RGSL1: variants seen among roughly 807,000 people sequenced by gnomAD.
RGSL1 encodes regulator of G protein signaling like 1.
A neutral mutation model predicts 124.7 loss-of-function variants in RGSL1; 97 were observed. The ratio of observed to expected loss-of-function variants is 0.78; its 90% confidence interval spans 0.66 to 0.92. RGSL1 has a LOEUF of 0.92. Ranked by LOEUF, RGSL1 falls within the 40% of genes least tolerant of loss-of-function variation. RGSL1 has a pLI of 0.00. For missense variants in RGSL1, 1,233 were observed against 1,288.4 expected (o/e 0.96, Z 0.66); for synonymous variants, 424 against 438.1 (o/e 0.97, Z 0.40).
chr1:182,452,042 A>T (rs1651885427), intron 1 of RGSL1, among the ~76,000 whole-genome samples: 1 of 152,076 alleles, frequency 6.6e-6, no homozygotes, highest in Non-Finnish European at 1.5e-5. Flanking sequence ...AGAGACAGGG[A>T]CAGAGACAGA....
Position 182,532,705 on chromosome 1 carries a change from G to C in RGSL1, c.2408G>C (p.Cys803Ser), listed in dbSNP as rs1278293494. ...MRMISFIRSF[C>S]KYRRFMLNPS... ...ATGATCAGCTTTATCAGGAGTTTTT[G>C]CAAGTACCGCAGATTTATGTTGAAT... The change falls in exon 14 of 22, where the codon TGC becomes TCC. Residue 803 changes from cysteine (C) to serine (S), a missense_variant. By Grantham distance (112) the Cys-to-Ser change is moderately radical. Transcript: ENST00000294854. 9.0e-6 allele frequency: 14 copies of C among 1,550,928 alleles called. No individual in the cohort carries two copies. Among genetic ancestry groups the C allele is most frequent in the Non-Finnish European group, 8.7e-7 (1 of 1,146,514 alleles).
intron 1 of RGSL1, among the ~76,000 whole-genome samples, chr1:182,453,715 C>A (rs1397973593): frequency 6.6e-6 from 1 of 152,202 alleles, no homozygotes. Context: ...ACTTCGCCTT[C>A]TTCATAAACG....
At chr1:182,465,319 T>C (rs1653206064) in intron 4 of RGSL1, among the ~76,000 whole-genome samples, 1 of 152,084 alleles carries the variant, frequency 6.6e-6, no homozygotes, top group South Asian at 2.1e-4. Context: ...TGTAGGGACA[T>C]GGATGAAGCT....
chr1:182,556,206 G>A lies in RGSL1; in HGVS notation c.*149G>A. On this transcript the variant is annotated 3_prime_UTR_variant, in exon 21 of 22. Transcript: ENST00000294854. ...ATGGGTTGACAGCCCAGATATGGCA[G>A]GACCAGACTGCAATGGGTAAGACTT... 4.2e-6 allele frequency: 3 copies of A among 710,650 alleles called. No individual in the cohort carries two copies. Among genetic ancestry groups the A allele is most frequent in the Non-Finnish European group, 7.1e-6 (3 of 422,544 alleles). The allele number at this position is 710,650 out of a possible 1,614,324, so 44.0% of individuals were successfully genotyped here. A position where few individuals can be genotyped will look rare whatever the true frequency, so the allele number is the denominator to read the frequency against.
rs200119323 is a variant in RGSL1, at chr1:182,530,251, G to A, written c.2133G>A (p.Met711Ile). ...CTCTCTTGCATTTTCTAGAAGAAAT[G>A]CTGCAGTGTGATGCCCCTATTATCA... ...FFQGQLSPEEMLQCDAPIIKE... is the reference protein window; with the variant it reads ...FFQGQLSPEEILQCDAPIIKE... The change falls in exon 12 of 22, where the codon ATG (methionine) becomes ATA (isoleucine). Residue 711 changes from methionine to isoleucine, a missense_variant. By Grantham distance (10) the Met-to-Ile change is conservative (BLOSUM62 1). Coordinates refer to ENST00000294854, the MANE Select transcript of RGSL1 (RefSeq NM_001137669.2). The A allele has an allele frequency of 5.2e-4, 801 of 1,549,570 alleles. 4 individuals are homozygous for A. The highest frequency in any genetic ancestry group is 1.3e-3 in the Middle Eastern group (8 of 6,004).
rs1254742440 is a variant in RGSL1, at chr1:182,474,245, C to T, written c.1134C>T (p.Ala378=). Residue 378 remains alanine (A), a synonymous_variant, in exon 6 of 22, where the codon GCC becomes GCT. Transcript: ENST00000294854. ...GYIHLALCAD[A]CAGNPFRDHL... ...TCCACTTGGCCTTGTGTGCTGATGC[C>T]TGTGCAGGGAACCCTTTCCGGGACC... 1 of 1,551,882 alleles carries T rather than the reference C, an allele frequency of 6.4e-7. No individual in the cohort carries two copies. The highest frequency in any genetic ancestry group is 8.7e-7 in the Non-Finnish European group (1 of 1,147,012).
At chr1:182,456,528 C>A (rs1652338112) in intron 2 of RGSL1, among the ~76,000 whole-genome samples, 1 of 152,156 alleles carries the variant, frequency 6.6e-6, no homozygotes. Flanking sequence ...AAACTCCAGA[C>A]CTCAGATGAT....
At chr1:182,470,402 C>A (rs1445418522) in intron 4 of RGSL1, among the ~76,000 whole-genome samples, 1 of 151,992 alleles carries the variant, frequency 6.6e-6, no homozygotes, top group Non-Finnish European at 1.5e-5. Context: ...CCATTCCAGT[C>A]ACATTGGCCT....
chr1:182,453,221 A>G (rs1388013034), intron 1 of RGSL1, among the ~76,000 whole-genome samples: 1 of 152,232 alleles, frequency 6.6e-6, no homozygotes, highest in East Asian at 1.9e-4. Flanking sequence ...AGCTCTTGTC[A>G]GGCAGTAATG....
At chr1:182,496,859 T>C (rs1470723422) in intron 9 of RGSL1, among the ~76,000 whole-genome samples, 1 of 148,654 alleles carries the variant, frequency 6.7e-6, no homozygotes, top group African/African-American at 2.5e-5. Flanking sequence ...GATGTCCAAA[T>C]ATGCACCAGA....
At chr1:182,463,962 G>C (rs562977019) in intron 4 of RGSL1, among the ~76,000 whole-genome samples, 1 of 152,196 alleles carries the variant, frequency 6.6e-6, no homozygotes, top group African/African-American at 2.4e-5. Flanking sequence ...TTATATATTA[G>C]GCCAGAAATT....
In RGSL1 at chr1:182,482,046, T is replaced by A. The variant is rs1216911485; in HGVS notation, c.1432-6239T>A. Among the ~76,000 whole-genome samples, 3 of 152,140 alleles carry A rather than the reference T, an allele frequency of 2.0e-5. No individual in the cohort carries two copies. The East Asian group carries it at 5.8e-4, about 29-fold the overall frequency. ...AAAAGAATTATACACAATTACCAGG[T>A]AGGATTTATCCCTGGGTTATAAGGA... is the stretch of plus-strand genomic sequence containing the variant. On this transcript the variant is annotated intron_variant, in intron 6 of 21. Coordinates refer to ENST00000294854, the MANE Select transcript of RGSL1 (RefSeq NM_001137669.2).
chr1:182,556,210 C>A lies in RGSL1; in HGVS notation c.*153C>A. 1.4e-6 allele frequency: 1 copy of A among 704,326 alleles called. No homozygotes were observed. Among genetic ancestry groups the A allele is most frequent in the Non-Finnish European group, 2.4e-6 (1 of 417,326 alleles). The allele number at this position is 704,326 out of a possible 1,614,324, so 43.6% of individuals were successfully genotyped here. A position where few individuals can be genotyped will look rare whatever the true frequency, so the allele number is the denominator to read the frequency against. ...GTTGACAGCCCAGATATGGCAGGAC[C>A]AGACTGCAATGGGTAAGACTTGGGC... On this transcript the variant is annotated 3_prime_UTR_variant, in exon 21 of 22. Transcript: ENST00000294854.
Position 182,473,944 on chromosome 1 carries a change from C to T in RGSL1, c.833C>T (p.Pro278Leu), listed in dbSNP as rs1654063813. 1 of 1,551,874 alleles carries T rather than the reference C, an allele frequency of 6.4e-7. No individual in the cohort carries two copies. Among genetic ancestry groups the T allele is most frequent in the Non-Finnish European group, 8.7e-7 (1 of 1,147,060 alleles). Residue 278 changes from proline to leucine, a missense_variant, in exon 6 of 22, where the codon CCC (proline) becomes CTC (leucine). Pro to Leu is a moderately conservative substitution (Grantham distance 98). Transcript: ENST00000294854. The part of the protein sequence containing the change: ...MDLKPDAIGM[P>L]LQETCPQEKV... Reference sequence around the variant, plus strand: ...CTCAAGCCAGATGCTATTGGTATGCCCCTACAGGAGACATGTCCTCAAGAG... The same window carrying T: ...CTCAAGCCAGATGCTATTGGTATGCTCCTACAGGAGACATGTCCTCAAGAG...
chr1:182,555,004 T>A (rs1660782224), intron 20 of RGSL1: 1 of 329,914 alleles, frequency 3.0e-6, no homozygotes, highest in Non-Finnish European at 5.7e-6. Flanking sequence ...TTTTTATAGA[T>A]TTAAGGAGTA....
chr1:182,523,970 G>A (rs1014245470), intron 10 of RGSL1, among the ~76,000 whole-genome samples: 4 of 152,160 alleles, frequency 2.6e-5, no homozygotes, highest in African/African-American at 4.8e-5. Context: ...AAAGAAATTA[G>A]AGTATTTTGT....
At chr1:182,517,909 A>ATTTTCCT (rs1658019337) in intron 9 of RGSL1, among the ~76,000 whole-genome samples, 1 of 151,614 alleles carries the variant, frequency 6.6e-6, no homozygotes, top group Non-Finnish European at 1.5e-5. Context: ...ATTTGGGAAG[A>ATTTTCCT]TTGTGGTTCT....
chr1:182,473,261 T>A (rs1478231367), intron 5 of RGSL1, among the ~76,000 whole-genome samples: 1 of 152,232 alleles, frequency 6.6e-6, no homozygotes, highest in Non-Finnish European at 1.5e-5. Flanking sequence ...TGTAGATGTC[T>A]CTTGTTCTTA....
At chr1:182,503,728 C>T (rs1005572088) in intron 9 of RGSL1, among the ~76,000 whole-genome samples, 29 of 151,936 alleles carry the variant, frequency 1.9e-4, no homozygotes, top group Admixed American at 1.1e-3. Flanking sequence ...ATAATTTAAT[C>T]GTACATTTTT....
Sources: allele counts gnomAD v4.1 joint callset (sites outside exome capture counted in the v4.1 genomes callset), GRCh38; gene constraint gnomAD v4.1.1; transcripts MANE v1.5; gene names NCBI Gene and HGNC (gene_info 2026-07-23, HGNC 2026-07-21).